ANK1: variants seen among roughly 807,000 people sequenced by gnomAD.
The protein encoded by ANK1 is ankyrin 1.
A neutral mutation model predicts 210.4 loss-of-function variants in ANK1; 51 were observed. That is an observed-to-expected ratio of 0.24 (90% CI 0.19 to 0.31). ANK1 has a LOEUF of 0.31. ANK1 is among the 10% of genes least tolerant of loss of function. The pLI is 1.00. For synonymous variants in ANK1, 967 were observed against 1,025.9 expected (o/e 0.94, Z 1.10); for missense variants, 2,051 against 2,504.4 (o/e 0.82, Z 3.86).
At chr8:41,660,462 C>T (rs907156000) in intron 42 of ANK1, 21 of 460,394 alleles carry the variant, frequency 4.6e-5, no homozygotes, top group South Asian at 1.3e-4. Flanking sequence ...TGAGCTGCCC[C>T]GAGCTGGGCA....
At chr8:41,842,556 T>C (rs1177204727) in intron 1 of ANK1, among the ~76,000 whole-genome samples, 1 of 152,084 alleles carries the variant, frequency 6.6e-6, no homozygotes, top group Non-Finnish European at 1.5e-5. Flanking sequence ...CAAGCAACCA[T>C]GGGCGAACCA....
chr8:41,738,725 C>T (rs1404633869), intron 2 of ANK1, among the ~76,000 whole-genome samples: 1 of 152,208 alleles, frequency 6.6e-6, no homozygotes, highest in Non-Finnish European at 1.5e-5. Context: ...TTAGCTAAAT[C>T]AAGTTTAAGT....
intron 14 of ANK1, among the ~76,000 whole-genome samples, chr8:41,715,294 C>A (rs1156570635): frequency 3.3e-5 from 5 of 152,202 alleles, no homozygotes; most frequent in African/African-American, 1.2e-4. Flanking sequence ...GTCTCAACCA[C>A]CTCACAGTGG....
chr8:41,661,089 T>A, intron 42 of ANK1: 1 of 354,134 alleles, frequency 2.8e-6, no homozygotes, highest in Non-Finnish European at 5.4e-6. Context: ...TTGCCCAGGC[T>A]GGTCTTGAAC....
chr8:41,744,230 A>T (rs1231783828), intron 2 of ANK1, among the ~76,000 whole-genome samples: 1 of 152,220 alleles, frequency 6.6e-6, no homozygotes, highest in Non-Finnish European at 1.5e-5. Context: ...TAAAGAAAAA[A>T]TAAATTAATG....
intron 1 of ANK1, among the ~76,000 whole-genome samples, chr8:41,769,405 C>G (rs909641332): frequency 3.3e-5 from 5 of 152,202 alleles, no homozygotes; most frequent in African/African-American, 1.2e-4. Flanking sequence ...ACACAGAGAA[C>G]TCCAATTAAT....
intron 1 of ANK1, among the ~76,000 whole-genome samples, chr8:41,848,401 G>A (rs1046587493): frequency 6.6e-6 from 1 of 152,200 alleles, no homozygotes; most frequent in Non-Finnish European, 1.5e-5. Context: ...CCTCACAGGG[G>A]AAGTGGGAAG....
intron 1 of ANK1, among the ~76,000 whole-genome samples, chr8:41,816,995 T>C (rs1803453187): frequency 6.6e-6 from 1 of 152,162 alleles, no homozygotes; most frequent in African/African-American, 2.4e-5. Context: ...TATAAGAGAA[T>C]AGCTGGATCT....
intron 42 of ANK1, among the ~76,000 whole-genome samples, chr8:41,656,571 G>A (rs964770267): frequency 4.6e-5 from 7 of 152,222 alleles, no homozygotes; most frequent in Admixed American, 6.5e-5. Flanking sequence ...TCCAACCTGG[G>A]GTGAAAACTC....
In ANK1 at chr8:41,719,786, C is replaced by A. The variant is rs1466223186; in HGVS notation, c.982G>T (p.Asp328Tyr). 6.2e-7 allele frequency: 1 copy of A among 1,614,108 alleles called. No homozygotes were observed. Among genetic ancestry groups the A allele is most frequent in the Non-Finnish European group, 8.5e-7 (1 of 1,180,046 alleles). Residue 328 changes from aspartate to tyrosine, a missense_variant, in exon 10 of 43, where the codon GAC becomes TAC. Asp to Tyr is a radical substitution (Grantham distance 160, BLOSUM62 -3). Around this residue, in one of 6 missense-constraint regions of ANK1, gnomAD observed 1,413 missense variants for 1,707.4 expected, o/e 0.83. Coordinates refer to ENST00000289734, the MANE Select transcript of ANK1 (RefSeq NM_000037.4). ...AGGGTGATGTCGTCTATCTCTGCGTCGTATTGCAACAGGAGCCGGACACAG... is the reference window on the plus strand; with the variant it reads ...AGGGTGATGTCGTCTATCTCTGCGTAGTATTGCAACAGGAGCCGGACACAG... ...LDCVRLLLQYDAEIDDITLDH... is the reference protein window; with the variant it reads ...LDCVRLLLQYYAEIDDITLDH...
At chr8:41,791,074 C>A (rs754947538) in intron 1 of ANK1, among the ~76,000 whole-genome samples, 1 of 152,106 alleles carries the variant, frequency 6.6e-6, no homozygotes, top group South Asian at 2.1e-4. Context: ...TTCTGAGTAG[C>A]TGGAATCTGC....
chr8:41,719,440 G>A (rs559056255), intron 10 of ANK1, among the ~76,000 whole-genome samples: 5 of 152,302 alleles, frequency 3.3e-5, no homozygotes, highest in East Asian at 1.9e-4. Flanking sequence ...CCTGGTCACC[G>A]GGGCAGGGGT....
At chr8:41,677,561 G>T in intron 37 of ANK1, among the ~76,000 whole-genome samples, 1 of 151,084 alleles carries the variant, frequency 6.6e-6, no homozygotes. Context: ...CCATGTTCTG[G>T]CTTCTGTTGT....
chr8:41,780,376 T>C lies in ANK1; in HGVS notation c.27+17136A>G, dbSNP rs146261396. Among the ~76,000 whole-genome samples the C allele has an allele frequency of 9.1e-3, 1,390 of 152,354 alleles. 25 individuals are homozygous for C. The highest frequency in any genetic ancestry group is 0.031 in the African/African-American group (1,297 of 41,578). On this transcript the variant is annotated intron_variant, in intron 1 of 42. Coordinates refer to ENST00000289734, the MANE Select transcript of ANK1 (RefSeq NM_000037.4). ...TCCATTATTTCCTCTTAGACTCCAG[T>C]TGAATTCATGAATAGCATTAACATT... is the stretch of plus-strand genomic sequence containing the variant.
intron 2 of ANK1, among the ~76,000 whole-genome samples, chr8:41,739,101 G>C (rs1834091862): frequency 6.6e-6 from 1 of 152,152 alleles, no homozygotes; most frequent in South Asian, 2.1e-4. Flanking sequence ...ATGTGTTTTA[G>C]ACCAGTTGAT....
intron 1 of ANK1, among the ~76,000 whole-genome samples, chr8:41,849,870 A>G (rs1173325470): frequency 6.6e-6 from 1 of 152,086 alleles, no homozygotes; most frequent in African/African-American, 2.4e-5. Flanking sequence ...CACCATCTTC[A>G]TCTTCCCCAT....
intron 2 of ANK1, among the ~76,000 whole-genome samples, chr8:41,741,038 G>A (rs1219703508): frequency 2.6e-5 from 4 of 152,166 alleles, no homozygotes; most frequent in Non-Finnish European, 5.9e-5. Context: ...GCACCCATGG[G>A]GACCTGGGAG....
Position 41,881,873 on chromosome 8 carries a change from A to C in ANK1, c.126+14482T>G, listed in dbSNP as rs559323654. On this transcript the variant is annotated intron_variant, in intron 1 of 42. Coordinates refer to the ANK1 transcript ENST00000265709. ...GTGGGCTTGAGTGGGGAGCATAGCC[A>C]ACACAGATGGTCCTTGCCTTCCCTG... 2.6e-5 allele frequency among the ~76,000 whole-genome samples: 4 copies of C among 152,286 alleles called. No individual in the cohort carries two copies. In the East Asian group the frequency reaches 5.8e-4, roughly 22 times the overall value.
At chr8:41,876,123 A>G (rs1816536798) in intron 1 of ANK1, among the ~76,000 whole-genome samples, 1 of 152,090 alleles carries the variant, frequency 6.6e-6, no homozygotes, top group Non-Finnish European at 1.5e-5. Flanking sequence ...TCCTTGTCCT[A>G]GAGCTCGGAG....
Sources: allele counts gnomAD v4.1 joint callset (sites outside exome capture counted in the v4.1 genomes callset), GRCh38; gene constraint gnomAD v4.1.1; regional missense constraint gnomAD v4.1.1; transcripts MANE v1.5; gene names NCBI Gene and HGNC (gene_info 2026-07-23, HGNC 2026-07-21).